Variants in TEX36 observed in about 807,000 individuals in gnomAD.
TEX36 encodes testis expressed 36.
Under a neutral mutation model 13.6 loss-of-function variants are expected in TEX36, and 12 were observed. That is an observed-to-expected ratio of 0.88 (90% CI 0.56 to 1.43). The LOEUF (loss-of-function observed/expected upper bound fraction) is 1.43, where lower values mean the gene tolerates loss of function less well. Ranked by LOEUF, TEX36 falls within the 40% of genes most tolerant of loss-of-function variation. The pLI is 0.00. For synonymous variants in TEX36, 93 were observed against 83.0 expected (o/e 1.12, Z -0.65); for missense variants, 224 against 228.3 (o/e 0.98, Z 0.12).
chr10:125,619,808 G>A (rs912398812), downstream of TEX36, among the ~76,000 whole-genome samples: 4 of 151,828 alleles, frequency 2.6e-5, no homozygotes, highest in Non-Finnish European at 4.4e-5. Flanking sequence ...ACCTGCCTCC[G>A]CCTCCCAAAG....
At chr10:125,587,961 C>CT (rs1475231674) in intron 3 of TEX36, among the ~76,000 whole-genome samples, 1 of 152,032 alleles carries the variant, frequency 6.6e-6, no homozygotes, top group African/African-American at 2.4e-5. Context: ...CTAAGGATTC[C>CT]TTTTTTTGTT....
downstream of TEX36, among the ~76,000 whole-genome samples, chr10:125,652,733 C>T (rs1350720392): frequency 2.0e-5 from 3 of 152,120 alleles, no homozygotes; most frequent in African/African-American, 4.8e-5. Flanking sequence ...TTACAATCTA[C>T]CCATCTGACA....
rs1846930044 is a variant in TEX36, at chr10:125,655,773, T to C, written c.*127A>G. On this transcript the variant is annotated 3_prime_UTR_variant, in exon 4 of 4. Coordinates refer to ENST00000368821, the MANE Select transcript of TEX36 (RefSeq NM_001128202.3). ...ATTTCACAAGGATTTGAATGTTTTTTGACCTTATAAAAATCATAAAAGTAC... is the reference window on the plus strand; with the variant it reads ...ATTTCACAAGGATTTGAATGTTTTTCGACCTTATAAAAATCATAAAAGTAC... The C allele has an allele frequency of 7.4e-7, 1 of 1,344,236 alleles. No homozygotes were observed. The highest frequency in any genetic ancestry group is 9.5e-7 in the Non-Finnish European group (1 of 1,048,166). The allele number at this position is 1,344,236 out of a possible 1,614,324, so 83.3% of individuals were successfully genotyped here. A position where few individuals can be genotyped will look rare whatever the true frequency, so the allele number is the denominator to read the frequency against.
chr10:125,638,093 C>T (rs1450929399), intron 3 of TEX36, among the ~76,000 whole-genome samples: 3 of 152,066 alleles, frequency 2.0e-5, no homozygotes, highest in Admixed American at 2.0e-4. Context: ...AATTCCCCAA[C>T]TGCCTCCTTC....
intron 3 of TEX36, among the ~76,000 whole-genome samples, chr10:125,607,430 G>C (rs937775844): frequency 6.6e-6 from 1 of 152,118 alleles, no homozygotes; most frequent in African/African-American, 2.4e-5. Context: ...TGCCCTCCCC[G>C]CATTTATTTC....
At chr10:125,612,397 C>T (rs1339115781) in intron 3 of TEX36, among the ~76,000 whole-genome samples, 2 of 152,082 alleles carry the variant, frequency 1.3e-5, no homozygotes, top group Non-Finnish European at 2.9e-5. Context: ...CATCAAAGTG[C>T]CAAGCACCTG....
chr10:125,640,858 G>T (rs772727982), intron 3 of TEX36, among the ~76,000 whole-genome samples: 60 of 152,150 alleles, frequency 3.9e-4, no homozygotes, highest in Middle Eastern at 3.4e-3. Context: ...TTGTTTTGTG[G>T]GTCTTAGGGT....
At chr10:125,678,736 T>C (rs868804817) in intron 1 of TEX36, among the ~76,000 whole-genome samples, 26 of 152,212 alleles carry the variant, frequency 1.7e-4, no homozygotes, top group Middle Eastern at 6.8e-3. Flanking sequence ...GAGATGGTAG[T>C]GGCCAGGAGT....
intron 3 of TEX36, among the ~76,000 whole-genome samples, chr10:125,578,861 C>T (rs7922479): frequency 0.024 from 3,712 of 152,298 alleles, 74 homozygotes; most frequent in Middle Eastern, 0.051. Flanking sequence ...GACACCAAAA[C>T]CCTCATTTGC....
At chr10:125,579,720 G>C (rs940102738) in intron 3 of TEX36, among the ~76,000 whole-genome samples, 1 of 151,990 alleles carries the variant, frequency 6.6e-6, no homozygotes, top group African/African-American at 2.4e-5. Context: ...GTGAGACCTG[G>C]TTGTTTAAAA....
chr10:125,629,897 G>A (rs753951640), intron 3 of TEX36, among the ~76,000 whole-genome samples: 1 of 152,056 alleles, frequency 6.6e-6, no homozygotes, highest in African/African-American at 2.4e-5. Flanking sequence ...TTTTTTTTAA[G>A]TCACTGTGAG....
chr10:125,585,789 C>T (rs1165360089), intron 3 of TEX36, among the ~76,000 whole-genome samples: 1 of 152,232 alleles, frequency 6.6e-6, no homozygotes, highest in African/African-American at 2.4e-5. Context: ...ATAGTTTTCT[C>T]CAGGCTTTTG....
chr10:125,624,214 C>A (rs373239339), intron 3 of TEX36, among the ~76,000 whole-genome samples: 165 of 152,280 alleles, frequency 1.1e-3, no homozygotes, highest in African/African-American at 3.8e-3. Flanking sequence ...TGATCTTCTC[C>A]CAAGACCTCC....
At position 125,607,621 on chromosome 10, in the gene TEX36, G is replaced by A. The variant is rs557718345; in HGVS notation, c.265-30747C>T. On this transcript the variant is annotated intron_variant, in intron 3 of 3. Coordinates refer to the TEX36 transcript ENST00000532135. Reference sequence around the variant, plus strand: ...GAGACACATCCTCATTTGCCATAGCGTCTCAGAACACATGTGTGCTCACTG... The same window carrying A: ...GAGACACATCCTCATTTGCCATAGCATCTCAGAACACATGTGTGCTCACTG... Among the ~76,000 whole-genome samples, 14 of 152,134 alleles carry A rather than the reference G, an allele frequency of 9.2e-5. No homozygotes were observed. The South Asian group carries it at 2.3e-3, about 25-fold the overall frequency.
At chr10:125,606,546 G>T (rs1846218150) in intron 3 of TEX36, among the ~76,000 whole-genome samples, 1 of 152,118 alleles carries the variant, frequency 6.6e-6, no homozygotes, top group Non-Finnish European at 1.5e-5. Context: ...AATATTAGCT[G>T]CTCTACCCAG....
chr10:125,591,799 C>T (rs1846024289), intron 3 of TEX36, among the ~76,000 whole-genome samples: 1 of 152,180 alleles, frequency 6.6e-6, no homozygotes, highest in South Asian at 2.1e-4. Flanking sequence ...CTTGTTTACT[C>T]TGCTCTCGTC....
intron 3 of TEX36, among the ~76,000 whole-genome samples, chr10:125,598,343 G>A (rs1846106512): frequency 6.6e-6 from 1 of 152,222 alleles, no homozygotes; most frequent in African/African-American, 2.4e-5. Context: ...TACAAAAACT[G>A]GGTTAGTTTT....
At chr10:125,591,566 T>C (rs1456884677) in intron 3 of TEX36, among the ~76,000 whole-genome samples, 2 of 152,226 alleles carry the variant, frequency 1.3e-5, no homozygotes, top group Non-Finnish European at 2.9e-5. Flanking sequence ...TGTGTACACA[T>C]GCTGGGAAAC....
chr10:125,619,900 T>C (rs1008108306), downstream of TEX36, among the ~76,000 whole-genome samples: 1 of 151,814 alleles, frequency 6.6e-6, no homozygotes, highest in African/African-American at 2.4e-5. Flanking sequence ...TGTGTGCATA[T>C]ATATATATAC....
Sources: gnomAD v4.1 joint callset for allele counts (sites outside exome capture counted in the v4.1 genomes callset) on GRCh38, gnomAD v4.1.1 for gene constraint, MANE v1.5 for transcripts, NCBI Gene and HGNC (gene_info 2026-07-23, HGNC 2026-07-21) for gene names.